The following MIPOL1 variants were observed in gnomAD, a reference collection of about 807,000 sequenced individuals.
MIPOL1 encodes the protein mirror-image polydactyly gene 1 protein.
A neutral mutation model predicts 60.9 loss-of-function variants in MIPOL1; 57 were observed. That is an observed-to-expected ratio of 0.94 (90% confidence interval 0.76 to 1.17). MIPOL1 has a LOEUF of 1.17. Ranked by LOEUF, MIPOL1 falls within the 50% of genes most tolerant of loss-of-function variation. MIPOL1 has a pLI of 0.00. For missense variants in MIPOL1, 551 were observed against 511.6 expected (o/e 1.08, Z -0.74); for synonymous variants, 179 against 168.8 (o/e 1.06, Z -0.47).
In MIPOL1 at chr14:37,548,614, A is replaced by G. The variant is rs1305206999; in HGVS notation, c.*1643A>G. On this transcript the variant is annotated 3_prime_UTR_variant, in exon 13 of 13. Coordinates refer to ENST00000684589, the MANE Select transcript of MIPOL1 (RefSeq NM_001388067.1). ...GTAACAGCTCCCTATGTGAAGAAAC[A>G]TTATCTTTAAAGTCATCTGGGAGGT... The G allele has an allele frequency of 6.6e-6, 1 of 151,954 alleles. No individual in the cohort carries two copies. The highest frequency in any genetic ancestry group is 1.5e-5 in the Non-Finnish European group (1 of 67,856). 9.4% of individuals were successfully genotyped at this position (151,954 alleles called of 1,614,324 possible).
intron 1 of MIPOL1, among the ~76,000 whole-genome samples, chr14:37,237,613 T>A (rs1353292473): frequency 1.3e-5 from 2 of 152,120 alleles, no homozygotes; most frequent in Non-Finnish European, 2.9e-5. Flanking sequence ...TAAAAAAAGT[T>A]TTATTGTTGT....
rs535392870 is a variant in MIPOL1 at position 37,336,225 on chromosome 14, T to G, written c.828+27706T>G. The stretch of plus-strand genomic sequence containing the variant: ...TTATCAAAAATGACTTGTCTATATA[T>G]GCACAGGTTTACTTTTAGACCCCAC... On this transcript the variant is annotated intron_variant, in intron 9 of 12. Transcript: ENST00000684589. 1.5e-4 allele frequency among the ~76,000 whole-genome samples: 23 copies of G among 151,636 alleles called. No homozygotes were observed. In the East Asian group the frequency reaches 4.1e-3, roughly 27 times the overall value.
intron 9 of MIPOL1, among the ~76,000 whole-genome samples, chr14:37,354,183 G>A (rs1202045922): frequency 2.0e-5 from 3 of 151,778 alleles, no homozygotes; most frequent in African/African-American, 7.3e-5. Flanking sequence ...TCATTCAGGA[G>A]CAGGTTGTTC....
At chr14:37,421,353 A>G (rs2153549463) in intron 10 of MIPOL1, among the ~76,000 whole-genome samples, 1 of 152,230 alleles carries the variant, frequency 6.6e-6, no homozygotes, top group South Asian at 2.1e-4. Context: ...AGTATTTGAT[A>G]TTCCTTAAAT....
chr14:37,214,129 C>T (rs1002982075), intron 1 of MIPOL1, among the ~76,000 whole-genome samples: 1 of 152,046 alleles, frequency 6.6e-6, no homozygotes, highest in African/African-American at 2.4e-5. Flanking sequence ...AAATAATTGC[C>T]TGAAGGTACA....
At chr14:37,204,204 C>A (rs1186823537) in intron 1 of MIPOL1, among the ~76,000 whole-genome samples, 1 of 151,902 alleles carries the variant, frequency 6.6e-6, no homozygotes, top group Non-Finnish European at 1.5e-5. Flanking sequence ...TTTGAGAGAC[C>A]CTGGGCTGGA....
intron 1 of MIPOL1, among the ~76,000 whole-genome samples, chr14:37,231,325 C>A (rs756879048): frequency 1.3e-5 from 2 of 152,132 alleles, no homozygotes; most frequent in African/African-American, 2.4e-5. Flanking sequence ...TGGCCTCAAG[C>A]AGGACTCCTG....
rs60919541 is a variant in MIPOL1 at position 37,200,900 on chromosome 14, ATTT to A, written c.-199+2814_-199+2816del. 1.5e-3 allele frequency among the ~76,000 whole-genome samples: 83 copies of A among 53,938 alleles called. 1 individual carries two copies. Among genetic ancestry groups the A allele is most frequent in the East Asian group, 4.6e-3 (7 of 1,534 alleles). 35.4% of individuals were successfully genotyped at this position (53,938 alleles called of 152,430 possible). A position where few individuals can be genotyped will look rare whatever the true frequency, so the allele number is the denominator to read the frequency against. The stretch of plus-strand genomic sequence containing the variant: ...TGTGTGTGTGTGTGTGTGTGTGTGT[ATTT>A]TTTTTTTTTTTTTTTTTGAGACAAG... On this transcript the variant is annotated intron_variant, in intron 1 of 12. Transcript: ENST00000684589.
intron 9 of MIPOL1, among the ~76,000 whole-genome samples, chr14:37,309,285 A>T (rs998858452): frequency 2.6e-5 from 4 of 151,812 alleles, no homozygotes; most frequent in Non-Finnish European, 5.9e-5. Flanking sequence ...GTGTTTTCAG[A>T]TCAATGTCTT....
At chr14:37,206,225 G>A (rs1966069127) in intron 1 of MIPOL1, among the ~76,000 whole-genome samples, 1 of 152,154 alleles carries the variant, frequency 6.6e-6, no homozygotes, top group African/African-American at 2.4e-5. Context: ...CTATGTCCAA[G>A]GACTTGGTAC....
chr14:37,413,486 T>C (rs1385690954), intron 10 of MIPOL1, among the ~76,000 whole-genome samples: 1 of 152,190 alleles, frequency 6.6e-6, no homozygotes, highest in Non-Finnish European at 1.5e-5. Flanking sequence ...TGCCTCCCTC[T>C]TCCACTTAAA....
chr14:37,282,837 G>T (rs1157191890), intron 6 of MIPOL1, among the ~76,000 whole-genome samples: 1 of 151,370 alleles, frequency 6.6e-6, no homozygotes, highest in Non-Finnish European at 1.5e-5. Flanking sequence ...ATTCAGCATG[G>T]ATCTAATTAG....
chr14:37,520,111 A>G (rs760457495), intron 12 of MIPOL1, among the ~76,000 whole-genome samples: 2 of 152,124 alleles, frequency 1.3e-5, no homozygotes, highest in Non-Finnish European at 2.9e-5. Flanking sequence ...AGGTAGGGAA[A>G]ATGACTGTGA....
At position 37,198,028 on chromosome 14, in the gene MIPOL1, G is replaced by GGT. The variant is rs2139009883; in HGVS notation, c.-273_-272dup. On this transcript the variant is annotated 5_prime_UTR_variant, in exon 1 of 13. Transcript: ENST00000684589. ...TGAGCCAGTGGCGATTGGCTGACGC[G>GGT]GTGGCTGCGCACTCGGCCTGAGAAA... 6.6e-6 allele frequency: 1 copy of GGT among 152,400 alleles called. No individual in the cohort carries two copies. The highest frequency in any genetic ancestry group is 2.4e-5 in the African/African-American group (1 of 41,578). The allele number at this position is 152,400 out of a possible 1,614,324, so 9.4% of individuals were successfully genotyped here. A position where few individuals can be genotyped will look rare whatever the true frequency, so the allele number is the denominator to read the frequency against.
Position 37,547,577 on chromosome 14 carries a change from A to G in MIPOL1, c.*606A>G, listed in dbSNP as rs1475413921. 6.6e-6 allele frequency: 1 copy of G among 152,620 alleles called. No homozygotes were observed. Among genetic ancestry groups the G allele is most frequent in the African/African-American group, 2.4e-5 (1 of 41,466 alleles). The allele number at this position is 152,620 out of a possible 1,614,324, so 9.5% of individuals were successfully genotyped here. ...TAAGAGATGGATATATTAAAATTACATTCATCAAGGCATGATTTTTGTTTC... is the reference window on the plus strand; with the variant it reads ...TAAGAGATGGATATATTAAAATTACGTTCATCAAGGCATGATTTTTGTTTC... On this transcript the variant is annotated 3_prime_UTR_variant, in exon 13 of 13. Coordinates refer to ENST00000684589, the MANE Select transcript of MIPOL1 (RefSeq NM_001388067.1).
intron 3 of MIPOL1, chr14:37,265,072 T>C (rs1262185795): frequency 3.3e-5 from 5 of 152,228 alleles, no homozygotes; most frequent in Non-Finnish European, 7.3e-5. Context: ...CTATAACATC[T>C]TGTCATTTCA....
intron 1 of MIPOL1, among the ~76,000 whole-genome samples, chr14:37,221,849 G>A (rs1446913774): frequency 6.6e-6 from 1 of 152,048 alleles, no homozygotes; most frequent in Non-Finnish European, 1.5e-5. Flanking sequence ...AGTTTTGGAG[G>A]GGACATTCAA....
intron 12 of MIPOL1, among the ~76,000 whole-genome samples, chr14:37,540,530 T>TA (rs2095525597): frequency 6.6e-6 from 1 of 152,216 alleles, no homozygotes; most frequent in African/African-American, 2.4e-5. Flanking sequence ...TTTCATTAGT[T>TA]ACAGCTTCTG....
At chr14:37,392,741 A>T (rs1170228035) in intron 10 of MIPOL1, among the ~76,000 whole-genome samples, 1 of 152,088 alleles carries the variant, frequency 6.6e-6, no homozygotes, top group Non-Finnish European at 1.5e-5. Flanking sequence ...TGGATGTTGA[A>T]CTCTGTAGAA....
Sources: allele counts gnomAD v4.1 joint callset (sites outside exome capture counted in the v4.1 genomes callset), GRCh38; gene constraint gnomAD v4.1.1; transcripts MANE v1.5; gene names NCBI Gene and HGNC (gene_info 2026-07-23, HGNC 2026-07-21).